Variants in OPCML observed in about 807,000 individuals in gnomAD.
OPCML encodes opioid-binding protein/cell adhesion molecule.
OPCML carries 13 observed loss-of-function variants against 37.8 expected under a neutral mutation model. The ratio of observed to expected loss-of-function variants is 0.34; its 90% CI spans 0.22 to 0.55. The LOEUF is 0.55. Ranked by LOEUF, OPCML falls within the 20% of genes least tolerant of loss-of-function variation. OPCML has a pLI of 0.91. For synonymous variants in OPCML, 176 were observed against 168.8 expected, an observed-to-expected ratio of 1.04 and a Z score of -0.33; for missense variants, 341 against 435.6, an observed-to-expected ratio of 0.78 and a Z score of 1.93.
intron 1 of OPCML, among the ~76,000 whole-genome samples, chr11:133,345,866 A>G (rs1313892173): frequency 6.6e-6 from 1 of 152,096 alleles, no homozygotes; most frequent in African/African-American, 2.4e-5. Context: ...TCAATTCTCA[A>G]TATTCCTCTT....
At chr11:132,820,089 A>C (rs928014157) in intron 2 of OPCML, among the ~76,000 whole-genome samples, 1 of 45,734 alleles carries the variant, frequency 2.2e-5, no homozygotes. Flanking sequence ...GAATGAATGA[A>C]TGAATGAATG....
At chr11:132,794,370 G>T (rs1591620185) in intron 2 of OPCML, among the ~76,000 whole-genome samples, 1 of 152,226 alleles carries the variant, frequency 6.6e-6, no homozygotes, top group East Asian at 1.9e-4. Flanking sequence ...CCAGCTGCCG[G>T]GCCTAAAGAT....
intron 1 of OPCML, among the ~76,000 whole-genome samples, chr11:133,459,475 G>A (rs1946809536): frequency 6.6e-6 from 1 of 151,986 alleles, no homozygotes; most frequent in African/African-American, 2.4e-5. Context: ...CTATATATAA[G>A]AGACTCACAT....
chr11:132,554,881 T>TG lies in OPCML; in HGVS notation c.380-25696_380-25695insC. The stretch of plus-strand genomic sequence containing the variant: ...GGGTAAAGTTTTTTTTTTTTTTTTT[T>TG]TTTTTTTTTTCATTAGCTCTATGGT... On this transcript the variant is annotated intron_variant, in intron 3 of 7. Transcript: ENST00000524381. Among the ~76,000 whole-genome samples, 3 of 139,580 alleles carry TG rather than the reference T, an allele frequency of 2.1e-5. 1 individual carries two copies. The Admixed American group carries it at 2.2e-4, about 10-fold the overall frequency. The allele number at this position is 139,580 out of a possible 152,430, so 91.6% of individuals were successfully genotyped here.
intron 2 of OPCML, among the ~76,000 whole-genome samples, chr11:132,869,550 C>T (rs1170940808): frequency 6.6e-6 from 1 of 151,832 alleles, no homozygotes; most frequent in Non-Finnish European, 1.5e-5. Flanking sequence ...AAATAATGAA[C>T]CTTTTTTCCT....
At chr11:132,657,483 C>T in intron 2 of OPCML, 164 bp from the exon 3 acceptor site, 1 of 904,018 alleles carries the variant, frequency 1.1e-6, no homozygotes, top group Non-Finnish European at 1.3e-6. Context: ...TAAATATAAA[C>T]TAAGAGTGAC....
chr11:132,466,213 C>T (rs540299413), intron 4 of OPCML, among the ~76,000 whole-genome samples: 4 of 151,796 alleles, frequency 2.6e-5, no homozygotes, highest in African/African-American at 4.8e-5. Context: ...AGGCCGCGCA[C>T]GGTGGCTCAC....
chr11:132,997,614 G>A (rs1364355610), intron 1 of OPCML, among the ~76,000 whole-genome samples: 1 of 152,166 alleles, frequency 6.6e-6, no homozygotes, highest in Non-Finnish European at 1.5e-5. Context: ...AGCAAGACCC[G>A]TGGATGGTGG....
At chr11:133,418,026 T>C (rs1339300138) in intron 1 of OPCML, 3 of 973,988 alleles carry the variant, frequency 3.1e-6, no homozygotes, top group Non-Finnish European at 3.7e-6. Flanking sequence ...TGGAGAAGAA[T>C]GGGGAGAAGA....
intron 1 of OPCML, chr11:133,422,430 C>G: frequency 4.1e-6 from 4 of 968,828 alleles, no homozygotes; most frequent in Non-Finnish European, 4.8e-6. Context: ...TGCCCCACCT[C>G]TCTATCATTG....
At chr11:133,296,244 G>T (rs992743604) in intron 1 of OPCML, among the ~76,000 whole-genome samples, 1 of 152,138 alleles carries the variant, frequency 6.6e-6, no homozygotes, top group African/African-American at 2.4e-5. Flanking sequence ...AGAGGGAGGG[G>T]ATTTCTGGTA....
In OPCML at chr11:132,932,355, T is replaced by C. The variant is rs370053025; in HGVS notation, c.146+10571A>G. ...AAAAACAGGGGCATGGAGGAACTTTTTGGGGTAACAAAAATGTTTTGTACC... is the reference window on the plus strand; with the variant it reads ...AAAAACAGGGGCATGGAGGAACTTTCTGGGGTAACAAAAATGTTTTGTACC... On this transcript the variant is annotated intron_variant, in intron 2 of 7. Coordinates refer to ENST00000524381, the MANE Select transcript of OPCML (RefSeq NM_001012393.5). Among the ~76,000 whole-genome samples the C allele has an allele frequency of 1.7e-3, 261 of 152,294 alleles. 3 individuals carry two copies. The highest frequency in any genetic ancestry group is 0.01 in the Middle Eastern group (3 of 294).
At chr11:132,476,063 G>C (rs558015503) in intron 4 of OPCML, among the ~76,000 whole-genome samples, 42 of 152,134 alleles carry the variant, frequency 2.8e-4, no homozygotes, top group Admixed American at 1.4e-3. Flanking sequence ...GACGCTATCA[G>C]CACTATGTAA....
chr11:132,704,993 C>A (rs1268703521), intron 2 of OPCML, among the ~76,000 whole-genome samples: 1 of 152,194 alleles, frequency 6.6e-6, no homozygotes, highest in African/African-American at 2.4e-5. Flanking sequence ...TGGCTCAGTG[C>A]TGAGTTCCAT....
intron 3 of OPCML, among the ~76,000 whole-genome samples, chr11:132,625,697 G>T (rs1398367665): frequency 6.6e-6 from 1 of 152,084 alleles, no homozygotes; most frequent in African/African-American, 2.4e-5. Context: ...ACCAGACCAT[G>T]AGCTGTTTGA....
chr11:132,574,337 G>A (rs1002387655), intron 3 of OPCML, among the ~76,000 whole-genome samples: 3 of 147,422 alleles, frequency 2.0e-5, no homozygotes, highest in Non-Finnish European at 3.0e-5. Context: ...TCCTAGAGGT[G>A]TAAAATTAAA....
At chr11:132,444,693 G>T (rs367735279) in intron 4 of OPCML, among the ~76,000 whole-genome samples, 51 of 152,024 alleles carry the variant, frequency 3.4e-4, no homozygotes, top group African/African-American at 1.2e-3. Context: ...CTCTCTTTCT[G>T]CCAGGCTCTG....
At chr11:133,178,411 G>T (rs1356928078) in intron 1 of OPCML, among the ~76,000 whole-genome samples, 1 of 151,978 alleles carries the variant, frequency 6.6e-6, no homozygotes, top group Non-Finnish European at 1.5e-5. Context: ...GACCTTCTGC[G>T]ATCTGGAAGG....
At chr11:132,998,379 CTG>C (rs575712141) in intron 1 of OPCML, among the ~76,000 whole-genome samples, 89 of 152,288 alleles carry the variant, frequency 5.8e-4, no homozygotes, top group South Asian at 4.8e-3. Context: ...CCTGTGTTGA[CTG>C]TGTTTACTTG....
Sources: allele counts gnomAD v4.1 joint callset (sites outside exome capture counted in the v4.1 genomes callset), GRCh38; gene constraint gnomAD v4.1.1; transcripts MANE v1.5; gene names NCBI Gene and HGNC (gene_info 2026-07-23, HGNC 2026-07-21).